The following DENND2A variants were observed in gnomAD, a reference collection of about 807,000 sequenced individuals.
DENND2A encodes DENN domain-containing protein 2A.
Under a neutral mutation model 105.3 loss-of-function variants are expected in DENND2A, and 53 were observed. The ratio of observed to expected loss-of-function variants is 0.50; its 90% CI spans 0.40 to 0.63. DENND2A has a LOEUF of 0.63. Ranked by LOEUF, DENND2A falls within the 30% of genes least tolerant of loss-of-function variation. The pLI is 0.00. For synonymous variants in DENND2A, 522 were observed against 508.4 expected (o/e 1.03, Z -0.36); for missense variants, 1,138 against 1,279.6 (o/e 0.89, Z 1.69).
rs757645835 is a variant in DENND2A, at chr7:140,601,686, A to G, written c.712T>C (p.Ser238Pro). 8.7e-6 allele frequency: 14 copies of G among 1,613,818 alleles called. No individual in the cohort carries two copies. The highest frequency in any genetic ancestry group is 1.2e-5 in the Non-Finnish European group (14 of 1,179,856). The part of the protein sequence containing the change: ...TPELVEDRKG[S>P]CRRPWDRSLE... ...CTCCGGTCCCAGGGCCTTCTGCATG[A>G]ACCTTTCCTGTCCTCCACAAGCTCA... is the stretch of plus-strand genomic sequence containing the variant. Residue 238 changes from serine to proline, a missense_variant, in exon 3 of 20, where the codon TCA (serine) becomes CCA (proline). By Grantham distance (74) the Ser-to-Pro change is moderately conservative. Coordinates refer to ENST00000496613, the MANE Select transcript of DENND2A (RefSeq NM_015689.5).
Position 140,527,524 on chromosome 7 carries a change from G to A in DENND2A, c.2328-29C>T. On this transcript the variant is annotated intron_variant, in intron 14 of 19. Transcript: ENST00000496613. This position sits in a 1 kb window ranked among gnomAD's most constrained non-coding sequence, Gnocchi z 4.9. ...CAGCCGGGGAGAGAACAGGGAGAGA[G>A]GCCGACTCAGCGAGGGCCCGAGGAA... The A allele has an allele frequency of 6.4e-7, 1 of 1,567,588 alleles. No homozygotes were observed. Among genetic ancestry groups the A allele is most frequent in the South Asian group, 1.2e-5 (1 of 85,386 alleles).
At chr7:140,613,858 CA>C (rs1396748354) in intron 1 of DENND2A, among the ~76,000 whole-genome samples, 1 of 152,170 alleles carries the variant, frequency 6.6e-6, no homozygotes, top group Admixed American at 6.6e-5. Context: ...GTGTCAAATG[CA>C]GACCAACTGA....
chr7:140,621,884 T>A (rs537596179), intron 1 of DENND2A, among the ~76,000 whole-genome samples: 24 of 152,300 alleles, frequency 1.6e-4, no homozygotes, highest in African/African-American at 5.3e-4. Context: ...AAGGCACAGA[T>A]ATTTGCATAA....
chr7:140,623,027 G>C (rs888746524), intron 1 of DENND2A, among the ~76,000 whole-genome samples: 1 of 152,094 alleles, frequency 6.6e-6, no homozygotes, highest in African/African-American at 2.4e-5. Flanking sequence ...GAGGTCACAA[G>C]AGCAGCCCTC....
At chr7:140,521,590 C>A (rs1267242162) in intron 18 of DENND2A, among the ~76,000 whole-genome samples, 3 of 152,184 alleles carry the variant, frequency 2.0e-5, no homozygotes, top group East Asian at 1.9e-4. Flanking sequence ...CTGAGAATTT[C>A]ATCAATTTGG....
Position 140,555,633 on chromosome 7 carries a change from C to A in DENND2A, c.2037+3G>T. On this transcript the variant is annotated splice_donor_region_variant and intron_variant, in intron 12 of 19. Coordinates refer to ENST00000496613, the MANE Select transcript of DENND2A (RefSeq NM_015689.5). ...CCTCTTTCTCTGAGGTCCAAGTTCT[C>A]ACCCTTGAAAAGAGGCTGAAGCATC... The A allele has an allele frequency of 6.2e-7, 1 of 1,611,640 alleles. No individual in the cohort carries two copies. The highest frequency in any genetic ancestry group is 1.1e-5 in the South Asian group (1 of 90,574).
chr7:140,519,045 C>T (rs887022381), intron 19 of DENND2A, among the ~76,000 whole-genome samples: 1 of 152,154 alleles, frequency 6.6e-6, no homozygotes, highest in Non-Finnish European at 1.5e-5. Context: ...GGAGAAAGTG[C>T]CCAGCAATGC....
At chr7:140,557,833 CG>C (rs1797441977) in intron 11 of DENND2A, among the ~76,000 whole-genome samples, 1 of 151,536 alleles carries the variant, frequency 6.6e-6, no homozygotes, top group Admixed American at 6.6e-5. Context: ...CCACCGCGCC[CG>C]GCCGTATATA....
upstream of DENND2A, among the ~76,000 whole-genome samples, chr7:140,641,201 G>C (rs1174519052): frequency 6.6e-6 from 1 of 152,182 alleles, no homozygotes; most frequent in Non-Finnish European, 1.5e-5. Context: ...CGGGCAGTGA[G>C]TCAGGCACCA....
intron 12 of DENND2A, among the ~76,000 whole-genome samples, chr7:140,552,353 C>A (rs1448679724): frequency 6.6e-6 from 1 of 151,444 alleles, no homozygotes; most frequent in Non-Finnish European, 1.5e-5. Context: ...CTCTCTCTCC[C>A]TTCCTCCCTC....
chr7:140,611,861 T>A (rs1345148851), intron 1 of DENND2A, among the ~76,000 whole-genome samples: 1 of 152,186 alleles, frequency 6.6e-6, no homozygotes, highest in African/African-American at 2.4e-5. Flanking sequence ...TTCTTTGGAA[T>A]GATAGAAATG....
At chr7:140,537,099 T>A (rs1212045288) in intron 14 of DENND2A, among the ~76,000 whole-genome samples, 1 of 152,224 alleles carries the variant, frequency 6.6e-6, no homozygotes, top group Admixed American at 6.5e-5. Context: ...TTTAAACACT[T>A]TCGGCTAGGC....
intron 5 of DENND2A, among the ~76,000 whole-genome samples, chr7:140,582,310 C>T (rs1798580072): frequency 6.6e-6 from 1 of 152,088 alleles, no homozygotes; most frequent in African/African-American, 2.4e-5. Flanking sequence ...GCAGTTCACT[C>T]CCCGCATGAA....
chr7:140,564,399 A>T (rs1797754358), intron 9 of DENND2A, among the ~76,000 whole-genome samples: 1 of 152,212 alleles, frequency 6.6e-6, no homozygotes, highest in Admixed American at 6.6e-5. Context: ...ATATTGGAAC[A>T]TTGTATAACT....
chr7:140,555,469 C>T (rs1475885813), intron 12 of DENND2A, among the ~76,000 whole-genome samples, 167 bp downstream of exon 12: 2 of 152,034 alleles, frequency 1.3e-5, no homozygotes, highest in African/African-American at 4.8e-5. Context: ...TTTCCTGAAC[C>T]AATGGTGAGA....
At chr7:140,610,601 A>T (rs1799860508) in intron 1 of DENND2A, among the ~76,000 whole-genome samples, 1 of 151,902 alleles carries the variant, frequency 6.6e-6, no homozygotes, top group Non-Finnish European at 1.5e-5. Context: ...TTTGTTTTTT[A>T]AAGGGGCTTA....
At chr7:140,535,484 C>T (rs1324105881) in intron 14 of DENND2A, among the ~76,000 whole-genome samples, 1 of 152,136 alleles carries the variant, frequency 6.6e-6, no homozygotes, top group Non-Finnish European at 1.5e-5. Context: ...AAGCCCTGAA[C>T]TGCTCCAGGC....
intron 3 of DENND2A, among the ~76,000 whole-genome samples, chr7:140,589,962 T>C (rs1798942070): frequency 6.6e-6 from 1 of 152,210 alleles, no homozygotes; most frequent in Non-Finnish European, 1.5e-5. Flanking sequence ...AGGTCAAATT[T>C]CGAAATGATA....
At chr7:140,525,044 G>A (rs1796007117) in intron 16 of DENND2A, among the ~76,000 whole-genome samples, 1 of 149,154 alleles carries the variant, frequency 6.7e-6, no homozygotes, top group Non-Finnish European at 1.5e-5. Flanking sequence ...AATGCATATT[G>A]AAGCTGGGCA....
Sources: gnomAD v4.1 joint callset for allele counts (sites outside exome capture counted in the v4.1 genomes callset) on GRCh38, gnomAD v4.1.1 for gene constraint, Gnocchi (gnomAD v3.1) non-coding constraint, MANE v1.5 for transcripts, NCBI Gene and HGNC (gene_info 2026-07-23, HGNC 2026-07-21) for gene names.